The following BARX2 variants were observed in gnomAD, a reference collection of about 807,000 sequenced individuals.
BARX2 encodes the protein BARX homeobox 2, also known as homeobox protein BarH-like 2.
BARX2 carries 11 observed loss-of-function variants against 25.5 expected under a neutral mutation model. The ratio of observed to expected loss-of-function variants is 0.43; its 90% CI spans 0.27 to 0.71. The LOEUF is 0.71. Among genes scored for constraint, BARX2 ranks in the 30% least tolerant of loss-of-function variants. BARX2 has a pLI of 0.19. For missense variants in BARX2, 360 were observed against 359.9 expected (o/e 1.00, Z 0.00); for synonymous variants, 137 against 149.5 (o/e 0.92, Z 0.61).
rs199786343 is a variant in BARX2 at position 129,436,741 on chromosome 11, T to G, written c.188-10T>G. 2.1e-4 allele frequency: 331 copies of G among 1,549,848 alleles called. 2 individuals are homozygous for G. Among genetic ancestry groups the G allele is most frequent in the Non-Finnish European group, 3.5e-6 (4 of 1,143,018 alleles). On this transcript the variant is annotated splice_polypyrimidine_tract_variant and intron_variant, in intron 1 of 3. Transcript: ENST00000281437. The surrounding 1 kb of genome is among the most constrained non-coding windows in gnomAD (Gnocchi z 4.5). ...CCCTGTGGTGACCTGCCTCCCTGCT[T>G]GTTTTCCAGGCTCCCCTTCCCTGCG...
chr11:129,450,314 G>T (rs1565525655), intron 3 of BARX2, among the ~76,000 whole-genome samples: 1 of 152,052 alleles, frequency 6.6e-6, no homozygotes, highest in Non-Finnish European at 1.5e-5. Flanking sequence ...AGAAAATATA[G>T]AAAAAACAAA....
At chr11:129,421,869 A>G (rs1862007758) in intron 1 of BARX2, among the ~76,000 whole-genome samples, 1 of 151,920 alleles carries the variant, frequency 6.6e-6, no homozygotes, top group Non-Finnish European at 1.5e-5. Flanking sequence ...GACAGTTATA[A>G]TTTGGCAAAT....
At chr11:129,386,324 C>A (rs1274782085) in intron 1 of BARX2, among the ~76,000 whole-genome samples, 1 of 152,144 alleles carries the variant, frequency 6.6e-6, no homozygotes, top group African/African-American at 2.4e-5. Context: ...AGCATTTCAC[C>A]AGTGGTCCTT....
intron 1 of BARX2, among the ~76,000 whole-genome samples, chr11:129,397,849 A>C (rs1158738288): frequency 6.6e-6 from 1 of 152,250 alleles, no homozygotes; most frequent in Non-Finnish European, 1.5e-5. Flanking sequence ...TACAAGATGA[A>C]AAGGAAGGCC....
chr11:129,405,455 A>G (rs538250892), intron 1 of BARX2, among the ~76,000 whole-genome samples: 80 of 150,090 alleles, frequency 5.3e-4, no homozygotes, highest in African/African-American at 1.9e-3. Flanking sequence ...TATCTCCTTC[A>G]CTCCTTACCT....
intron 1 of BARX2, among the ~76,000 whole-genome samples, chr11:129,423,811 T>A (rs1371015374): frequency 6.6e-6 from 1 of 152,114 alleles, no homozygotes; most frequent in African/African-American, 2.4e-5. Context: ...TTGATGAAGA[T>A]GTACTCCAAG....
intron 1 of BARX2, among the ~76,000 whole-genome samples, chr11:129,417,706 T>G (rs955363509): frequency 3.3e-5 from 5 of 152,236 alleles, no homozygotes; most frequent in Non-Finnish European, 5.9e-5. Context: ...CGATGCTGAC[T>G]GCAAGAGAGG....
intron 1 of BARX2, among the ~76,000 whole-genome samples, chr11:129,425,072 A>T (rs1862047962): frequency 6.6e-6 from 1 of 152,228 alleles, no homozygotes; most frequent in South Asian, 2.1e-4. Context: ...TTTTTATAGA[A>T]GAGAAAACAG....
intron 1 of BARX2, among the ~76,000 whole-genome samples, chr11:129,403,775 C>T (rs1289649266): frequency 1.3e-5 from 2 of 152,072 alleles, no homozygotes; most frequent in East Asian, 1.9e-4. Flanking sequence ...GGCTGGAGTA[C>T]AGTGGTGTGA....
Position 129,376,467 on chromosome 11 carries a change from C to G in BARX2, c.187+245C>G, listed in dbSNP as rs1471492877. The stretch of plus-strand genomic sequence containing the variant: ...TAGGAGTGGGCTGCTCGCGCAACGC[C>G]TGATTGTCCTGCTCGGAGGAGAACG... On this transcript the variant is annotated intron_variant, in intron 1 of 3. Coordinates refer to ENST00000281437, the MANE Select transcript of BARX2 (RefSeq NM_003658.5). This position sits in a 1 kb window ranked among gnomAD's most constrained non-coding sequence, Gnocchi z 4.2. Among the ~76,000 whole-genome samples the G allele has an allele frequency of 6.6e-6, 1 of 152,244 alleles. No homozygotes were observed. The highest frequency in any genetic ancestry group is 6.5e-5 in the Admixed American group (1 of 15,280).
chr11:129,386,421 TAGC>T (rs1457517382), intron 1 of BARX2, among the ~76,000 whole-genome samples: 15 of 152,228 alleles, frequency 9.9e-5, no homozygotes, highest in Non-Finnish European at 1.5e-4. Context: ...TGTAGCTTCT[TAGC>T]AGGAAAGAAT....
Position 129,419,873 on chromosome 11 carries a change from C to T in BARX2, c.188-16878C>T, listed in dbSNP as rs566900719. 2.5e-4 allele frequency among the ~76,000 whole-genome samples: 38 copies of T among 152,116 alleles called. 1 individual carries two copies. Among genetic ancestry groups the T allele is most frequent in the Middle Eastern group, 6.8e-3 (2 of 294 alleles). ...TCGGCTCACTGCAGCCTCCGCCTCCCGGGTTCAAGCGATTCTCATGCCTCG... is the reference window on the plus strand; with the variant it reads ...TCGGCTCACTGCAGCCTCCGCCTCCTGGGTTCAAGCGATTCTCATGCCTCG... On this transcript the variant is annotated intron_variant, in intron 1 of 3. Transcript: ENST00000281437.
At chr11:129,445,588 G>A (rs1303845697) in intron 3 of BARX2, among the ~76,000 whole-genome samples, 1 of 152,170 alleles carries the variant, frequency 6.6e-6, no homozygotes, top group Non-Finnish European at 1.5e-5. Context: ...GGTCCCTTTA[G>A]GAGCCAAGAG....
intron 3 of BARX2, among the ~76,000 whole-genome samples, chr11:129,444,125 G>C (rs1209668192): frequency 6.6e-6 from 1 of 151,862 alleles, no homozygotes; most frequent in African/African-American, 2.4e-5. Context: ...AAAAAAGTCA[G>C]TGGATAGATG....
chr11:129,442,982 T>C, intron 3 of BARX2, 63 bp downstream of exon 3: 1 of 1,476,644 alleles, frequency 6.8e-7, no homozygotes, highest in Admixed American at 1.7e-5. Context: ...TCCAGGGCTG[T>C]TGGGAGGGAG....
At chr11:129,418,332 G>A (rs1441536612) in intron 1 of BARX2, among the ~76,000 whole-genome samples, 1 of 152,186 alleles carries the variant, frequency 6.6e-6, no homozygotes, top group African/African-American at 2.4e-5. Context: ...GTGTGGCTTG[G>A]CTCAGTTCTT....
intron 3 of BARX2, among the ~76,000 whole-genome samples, chr11:129,443,814 T>C (rs2135415742): frequency 6.6e-6 from 1 of 152,230 alleles, no homozygotes; most frequent in Admixed American, 6.5e-5. Context: ...TGTAAACCAC[T>C]GAGACAAGGT....
intron 2 of BARX2, among the ~76,000 whole-genome samples, chr11:129,440,915 T>TG (rs1015437857): frequency 6.4e-4 from 98 of 152,108 alleles, no homozygotes; most frequent in Middle Eastern, 3.4e-3. Flanking sequence ...TTTCAAAAAG[T>TG]GGGGGTTGCT....
intron 1 of BARX2, among the ~76,000 whole-genome samples, chr11:129,422,067 A>G (rs896688334): frequency 6.6e-6 from 1 of 151,936 alleles, no homozygotes; most frequent in African/African-American, 2.4e-5. Flanking sequence ...CCCCTTAGAG[A>G]TGGGGTCTTG....
Sources: allele counts gnomAD v4.1 joint callset (sites outside exome capture counted in the v4.1 genomes callset), GRCh38; gene constraint gnomAD v4.1.1; non-coding constraint Gnocchi (gnomAD v3.1); transcripts MANE v1.5; gene names NCBI Gene and HGNC (gene_info 2026-07-23, HGNC 2026-07-21).